The following CHEK1 variants were observed in gnomAD, a reference collection of about 807,000 sequenced individuals.
CHEK1 encodes the protein checkpoint kinase 1.
CHEK1 carries 32 observed loss-of-function variants against 60.2 expected under a neutral mutation model. The observed-to-expected ratio is 0.53, with a 90% confidence interval of 0.40 to 0.71. The LOEUF (loss-of-function observed/expected upper bound fraction) is 0.71. Ranked by LOEUF, CHEK1 falls within the 30% of genes least tolerant of loss-of-function variation. CHEK1 has a pLI of 0.00. For missense variants in CHEK1, 399 were observed against 564.6 expected, an observed-to-expected ratio of 0.71 and a Z score of 2.97; for synonymous variants, 179 against 187.2, an observed-to-expected ratio of 0.96 and a Z score of 0.36.
chr11:125,627,836 G>A lies in CHEK1; in HGVS notation c.289+6G>A. ...AGAGCTTTTTGACAGAATAGGTATG[G>A]AAGAAATTTAAGATAATTATTTTAA... On this transcript the variant is annotated splice_donor_region_variant and intron_variant, in intron 3 of 12. Transcript: ENST00000438015. 1 of 1,519,394 alleles carries A rather than the reference G, an allele frequency of 6.6e-7. No homozygotes were observed. The highest frequency in any genetic ancestry group is 2.2e-5 in the Admixed American group (1 of 45,422). 94.1% of individuals were successfully genotyped at this position (1,519,394 alleles called of 1,614,324 possible).
At chr11:125,650,266 T>C (rs1299630132) in intron 11 of CHEK1, among the ~76,000 whole-genome samples, 2 of 152,064 alleles carry the variant, frequency 1.3e-5, no homozygotes, top group Admixed American at 1.3e-4. Flanking sequence ...TCTTTATGTT[T>C]CTCAGGGACA....
Position 125,633,338 on chromosome 11 carries a change from A to G in CHEK1, c.600A>G (p.Ala200=), listed in dbSNP as rs778632836. The change falls in exon 6 of 13, where the codon GCA becomes GCG. Residue 200 remains alanine (A), a synonymous_variant. Transcript: ENST00000438015. ...GGTCCTGTGGAATAGTACTTACTGCAATGCTCGCTGGAGGTAAGAGCTATT... is the reference window on the plus strand; with the variant it reads ...GGTCCTGTGGAATAGTACTTACTGCGATGCTCGCTGGAGGTAAGAGCTATT... The part of the protein sequence containing the change: ...DVWSCGIVLT[A]MLAGELPWDQ... The G allele has an allele frequency of 1.3e-5, 20 of 1,557,326 alleles. No homozygotes were observed. The highest frequency in any genetic ancestry group is 1.5e-5 in the Non-Finnish European group (17 of 1,159,254).
chr11:125,651,856 C>T (rs935378302), intron 11 of CHEK1, among the ~76,000 whole-genome samples: 2 of 152,170 alleles, frequency 1.3e-5, no homozygotes, highest in African/African-American at 4.8e-5. Flanking sequence ...TTCTGACAGG[C>T]TTTGGCAGGT....
intron 1 of CHEK1, chr11:125,626,413 C>A: frequency 2.3e-6 from 1 of 436,006 alleles, no homozygotes; most frequent in South Asian, 3.5e-5. Context: ...CCTCTCTTCC[C>A]CAGACCCCCA....
At chr11:125,648,514 G>A (rs1313574965) in intron 11 of CHEK1, among the ~76,000 whole-genome samples, 5 of 151,712 alleles carry the variant, frequency 3.3e-5, no homozygotes, top group African/African-American at 4.8e-5. Flanking sequence ...CCTGGGAGGC[G>A]GAGGTTGCAG....
chr11:125,625,830 A>T lies in CHEK1; in HGVS notation c.-203A>T. 1 of 702,562 alleles carries T rather than the reference A, an allele frequency of 1.4e-6. No homozygotes were observed. The highest frequency in any genetic ancestry group is 2.6e-6 in the Non-Finnish European group (1 of 384,968). 43.5% of individuals were successfully genotyped at this position (702,562 alleles called of 1,614,324 possible). On this transcript the variant is annotated 5_prime_UTR_variant, in exon 1 of 13. Coordinates refer to ENST00000438015, the MANE Select transcript of CHEK1 (RefSeq NM_001114122.3). ...CGACTGCAAAGCAGCCCTGGGCGGG[A>T]GCGGCAACATCTCCACGTCACCCTT... is the stretch of plus-strand genomic sequence containing the variant.
At chr11:125,676,389 G>A (rs200412632), downstream of CHEK1, 36 of 1,614,014 alleles carry the variant, frequency 2.2e-5, no homozygotes, top group Non-Finnish European at 3.1e-5. Flanking sequence ...ATGCACTGCT[G>A]GGAATTCTGA....
chr11:125,672,862 TCTGG>T (rs1196569217), intron 13 of CHEK1: 10 of 1,060,672 alleles, frequency 9.4e-6, no homozygotes, highest in Non-Finnish European at 1.2e-5. Context: ...ATTTGCTTCC[TCTGG>T]GAACTTGCCC....
intron 13 of CHEK1, among the ~76,000 whole-genome samples, chr11:125,665,349 A>G (rs1367665270): frequency 6.6e-6 from 1 of 151,732 alleles, no homozygotes; most frequent in East Asian, 1.9e-4. Context: ...CATGGGGAAG[A>G]TCTTTTTAAT....
At chr11:125,628,522 G>A (rs1249823021) in intron 3 of CHEK1, among the ~76,000 whole-genome samples, 2 of 152,186 alleles carry the variant, frequency 1.3e-5, no homozygotes, top group African/African-American at 4.8e-5. Context: ...GTTAATGAGA[G>A]AGATCAAAAT....
chr11:125,635,511 A>C lies in CHEK1; in HGVS notation c.696A>C (p.Lys232Asn). ...KEKKTYLNPW[K>N]KIDSAPLALL... The stretch of plus-strand genomic sequence containing the variant: ...AAAAAACATACCTCAACCCTTGGAA[A>C]AAAATCGATTCTGCTCCTCTAGGTA... The change falls in exon 7 of 13, where the codon AAA (lysine) becomes AAC (asparagine). Residue 232 changes from lysine to asparagine, a missense_variant. Lys to Asn is a moderately conservative substitution (Grantham distance 94, BLOSUM62 0). Coordinates refer to ENST00000438015, the MANE Select transcript of CHEK1 (RefSeq NM_001114122.3). 1 of 1,605,766 alleles carries C rather than the reference A, an allele frequency of 6.2e-7. No individual in the cohort carries two copies. The highest frequency in any genetic ancestry group is 8.5e-7 in the Non-Finnish European group (1 of 1,176,570).
At chr11:125,669,976 G>A (rs1472588408) in intron 13 of CHEK1, among the ~76,000 whole-genome samples, 1 of 152,136 alleles carries the variant, frequency 6.6e-6, no homozygotes, top group African/African-American at 2.4e-5. Context: ...ATTCTCAACT[G>A]CAATATCTTA....
chr11:125,657,998 G>A (rs1941950372), downstream of CHEK1, among the ~76,000 whole-genome samples: 8 of 152,206 alleles, frequency 5.3e-5, no homozygotes, highest in Admixed American at 4.6e-4. Flanking sequence ...GCAACAGAAT[G>A]TATTTCTAGT....
At chr11:125,652,726 A>G (rs555551892) in intron 11 of CHEK1, among the ~76,000 whole-genome samples, 143 of 152,316 alleles carry the variant, frequency 9.4e-4, no homozygotes, top group African/African-American at 3.3e-3. Context: ...TAATGTATTC[A>G]TGGGGTATGT....
At chr11:125,676,609 G>T, downstream of CHEK1, 4 of 1,167,630 alleles carry the variant, frequency 3.4e-6, no homozygotes, top group Admixed American at 2.0e-5. Context: ...TCTTTTTGGG[G>T]ATCTGGGCCC....
chr11:125,643,880 T>C lies in CHEK1; in HGVS notation c.903T>C (p.Ser301=), dbSNP rs1351869359. 1 of 1,613,816 alleles carries C rather than the reference T, an allele frequency of 6.2e-7. No individual in the cohort carries two copies. Among genetic ancestry groups the C allele is most frequent in the Non-Finnish European group, 8.5e-7 (1 of 1,179,854 alleles). ...SKHIQSNLDF[S]PVNSASSEEN... ...ACATTCAATCCAATTTGGACTTCTC[T>C]CCAGTAAACAGTGCTTCTAGGTAAG... Residue 301 remains serine, a synonymous_variant, in exon 9 of 13, where the codon TCT becomes TCC. Coordinates refer to ENST00000438015, the MANE Select transcript of CHEK1 (RefSeq NM_001114122.3).
intron 8 of CHEK1, among the ~76,000 whole-genome samples, chr11:125,642,471 T>TA (rs1320340169): frequency 3.3e-5 from 5 of 152,160 alleles, no homozygotes; most frequent in Non-Finnish European, 7.3e-5. Context: ...ATACCTAGAA[T>TA]AATGCCTGGC....
intron 13 of CHEK1, among the ~76,000 whole-genome samples, chr11:125,662,801 A>C (rs1032871050): frequency 1.3e-4 from 20 of 152,256 alleles, no homozygotes; most frequent in Non-Finnish European, 2.9e-5. Flanking sequence ...GAAAACTGCC[A>C]CTCATTTCCA....
chr11:125,661,022 C>G (rs1021075224), downstream of CHEK1, among the ~76,000 whole-genome samples: 7 of 152,080 alleles, frequency 4.6e-5, no homozygotes, highest in Non-Finnish European at 8.8e-5. Flanking sequence ...GTGATCAGCC[C>G]ACCTTGTCCT....
Sources: gnomAD v4.1 joint callset for allele counts (sites outside exome capture counted in the v4.1 genomes callset) on GRCh38, gnomAD v4.1.1 for gene constraint, MANE v1.5 for transcripts, NCBI Gene and HGNC (gene_info 2026-07-23, HGNC 2026-07-21) for gene names.